The following LRP2 variants were observed in gnomAD, a reference collection of about 807,000 sequenced individuals.
LRP2 encodes LDL receptor related protein 2.
In LRP2, 172 loss-of-function variants were observed where a neutral mutation model predicts 531.0. The ratio of observed to expected loss-of-function variants is 0.32; its 90% CI spans 0.29 to 0.37. LRP2 has a LOEUF of 0.37. Among genes scored for constraint, LRP2 ranks in the 10% least tolerant of loss-of-function variants. The probability of loss-of-function intolerance (pLI) is 1.00; values close to 1 mark genes in which losing one functional copy is unlikely to be tolerated. For missense variants in LRP2, 5,167 were observed against 5,868.3 expected, an observed-to-expected ratio of 0.88 and a Z score of 3.90; for synonymous variants, 1,992 against 2,027.6, an observed-to-expected ratio of 0.98 and a Z score of 0.47.
At chr2:169,258,459 G>C (rs564539510) in intron 17 of LRP2, among the ~76,000 whole-genome samples, 1 of 152,152 alleles carries the variant, frequency 6.6e-6, no homozygotes, top group South Asian at 2.1e-4. Flanking sequence ...ACATAGCTCA[G>C]ATTTGTTCTA....
intron 1 of LRP2, among the ~76,000 whole-genome samples, chr2:169,356,731 C>T (rs1260177019): frequency 6.6e-6 from 1 of 152,210 alleles, no homozygotes; most frequent in East Asian, 1.9e-4. Flanking sequence ...CACAGAAATG[C>T]TCTTGACATT....
intron 1 of LRP2, among the ~76,000 whole-genome samples, chr2:169,333,123 C>T (rs1685308875): frequency 6.6e-6 from 1 of 152,172 alleles, no homozygotes; most frequent in South Asian, 2.1e-4. Context: ...AAACTGAAGT[C>T]AACATTTTTA....
At chr2:169,257,341 C>T (rs1690346349) in intron 17 of LRP2, 92 bp from the exon 18 acceptor site, 1 of 1,334,772 alleles carries the variant, frequency 7.5e-7, no homozygotes, top group Non-Finnish European at 1.1e-6. Context: ...TCTCCAGATA[C>T]TGCAATTAAT....
intron 4 of LRP2, among the ~76,000 whole-genome samples, chr2:169,303,440 G>C (rs1684334948): frequency 6.6e-6 from 1 of 152,100 alleles, no homozygotes; most frequent in African/African-American, 2.4e-5. Context: ...CGTGAAAAGT[G>C]GGTAAGGTGG....
chr2:169,312,213 A>G (rs1055200662), intron 3 of LRP2, among the ~76,000 whole-genome samples: 10 of 151,830 alleles, frequency 6.6e-5, no homozygotes, highest in African/African-American at 2.4e-4. Flanking sequence ...TTTAAGGTTA[A>G]TATTGTTATG....
intron 48 of LRP2, among the ~76,000 whole-genome samples, chr2:169,189,043 A>G (rs889672727): frequency 1.1e-4 from 16 of 152,226 alleles, no homozygotes; most frequent in African/African-American, 3.4e-4. Context: ...TTATAACAAT[A>G]TAATTTCCTG....
chr2:169,306,716 C>T (rs1684430572), intron 4 of LRP2, among the ~76,000 whole-genome samples: 1 of 102,892 alleles, frequency 9.7e-6, no homozygotes, highest in Non-Finnish European at 2.0e-5. Flanking sequence ...GATAATGAAC[C>T]ATGATTGCAC....
intron 1 of LRP2, among the ~76,000 whole-genome samples, chr2:169,322,627 G>A (rs1684937769): frequency 6.6e-6 from 1 of 152,130 alleles, no homozygotes; most frequent in Admixed American, 6.5e-5. Flanking sequence ...GGAGATTAGG[G>A]GCTTTGGAGG....
In LRP2 at chr2:169,241,278, C is replaced by T; in HGVS notation, c.3755G>A (p.Gly1252Glu). ...AGATCCATAGAGGCAGTCTGGATGC[C>T]CATCACATTCCCAGAAGTTCGGGAT... ...ICIPNFWECD[G>E]HPDCLYGSDE... The change falls in exon 25 of 79, where the codon GGG (glycine) becomes GAG (glutamate). Residue 1252 changes from glycine (G) to glutamate (E), a missense_variant. Coordinates refer to ENST00000649046, the MANE Select transcript of LRP2 (RefSeq NM_004525.3). 1 of 1,614,186 alleles carries T rather than the reference C, an allele frequency of 6.2e-7. No individual in the cohort carries two copies. Among genetic ancestry groups the T allele is most frequent in the Non-Finnish European group, 8.5e-7 (1 of 1,180,028 alleles).
chr2:169,305,827 A>C (rs1026176314), intron 4 of LRP2, among the ~76,000 whole-genome samples: 1 of 152,192 alleles, frequency 6.6e-6, no homozygotes, highest in African/African-American at 2.4e-5. Flanking sequence ...TTCTATGTTT[A>C]CATATGTTTA....
chr2:169,360,489 G>A (rs542515434), intron 1 of LRP2, among the ~76,000 whole-genome samples: 16 of 152,058 alleles, frequency 1.1e-4, no homozygotes, highest in Non-Finnish European at 2.2e-4. Flanking sequence ...AAGAAGAGTA[G>A]GTATTGGTTA....
At chr2:169,159,133 TG>T (rs1574081724) in intron 63 of LRP2, among the ~76,000 whole-genome samples, 2 of 152,212 alleles carry the variant, frequency 1.3e-5, no homozygotes, top group East Asian at 3.9e-4. Flanking sequence ...TGAGTGATAA[TG>T]GGGGAAAGAG....
At chr2:169,285,499 C>A (rs1399209690) in intron 9 of LRP2, among the ~76,000 whole-genome samples, 1 of 152,150 alleles carries the variant, frequency 6.6e-6, no homozygotes, top group African/African-American at 2.4e-5. Context: ...TAAAACACTA[C>A]TTTACAATCC....
At chr2:169,293,652 G>A (rs1389169473) in intron 6 of LRP2, among the ~76,000 whole-genome samples, 1 of 149,688 alleles carries the variant, frequency 6.7e-6, no homozygotes, top group Non-Finnish European at 1.5e-5. Flanking sequence ...TCCAGCCCAG[G>A]CAACAAAGCA....
At chr2:169,269,455 C>G (rs1332480712) in intron 16 of LRP2, among the ~76,000 whole-genome samples, 1 of 152,166 alleles carries the variant, frequency 6.6e-6, no homozygotes, top group Non-Finnish European at 1.5e-5. Flanking sequence ...TATCACACAT[C>G]TACAACCATC....
chr2:169,258,108 T>C (rs1690390322), intron 17 of LRP2, among the ~76,000 whole-genome samples: 1 of 152,108 alleles, frequency 6.6e-6, no homozygotes, highest in Admixed American at 6.5e-5. Flanking sequence ...AGTTTTAAAA[T>C]GTGTTTCTTT....
intron 4 of LRP2, among the ~76,000 whole-genome samples, chr2:169,302,717 G>C (rs757450149): frequency 2.0e-5 from 3 of 149,332 alleles, no homozygotes; most frequent in Non-Finnish European, 4.4e-5. Flanking sequence ...GCCAGACTGT[G>C]GGAAACTCCA....
chr2:169,156,334 C>G lies in LRP2; in HGVS notation c.12091G>C (p.Val4031Leu). ...ATAGACGTGAAGCCATCAGCACAGA[C>G]ACACTCATAACTTCCTTTGGTATTT... ...CRNTKGSYEC[V>L]CADGFTSMSD... The change falls in exon 65 of 79, where the codon GTC becomes CTC. Residue 4031 changes from valine (V) to leucine (L), a missense_variant. Val to Leu is a conservative substitution (Grantham distance 32). Coordinates refer to ENST00000649046, the MANE Select transcript of LRP2 (RefSeq NM_004525.3). The G allele has an allele frequency of 6.2e-7, 1 of 1,613,734 alleles. No homozygotes were observed. The highest frequency in any genetic ancestry group is 8.5e-7 in the Non-Finnish European group (1 of 1,179,722).
rs1372641090 is a variant in LRP2, at chr2:169,201,771, C to T, written c.8309G>A (p.Ser2770Asn). Reference sequence around the variant, plus strand: ...CCTGAACAGGCACCCTGCCTCATCACTGCCATCACCACAGTCATTGTAGTA... The same window carrying T: ...CCTGAACAGGCACCCTGCCTCATCATTGCCATCACCACAGTCATTGTAGTA... Reference protein sequence around the residue: ...CDYYNDCGDGSDEAGCLFRDC... With the variant: ...CDYYNDCGDGNDEAGCLFRDC... Residue 2770 changes from serine (S) to asparagine (N), a missense_variant, in exon 44 of 79, where the codon AGT (serine) becomes AAT (asparagine). Transcript: ENST00000649046. 1 of 1,614,240 alleles carries T rather than the reference C, an allele frequency of 6.2e-7. No individual in the cohort carries two copies. The highest frequency in any genetic ancestry group is 8.5e-7 in the Non-Finnish European group (1 of 1,180,048).
Sources: gnomAD v4.1 joint callset for allele counts (sites outside exome capture counted in the v4.1 genomes callset) on GRCh38, gnomAD v4.1.1 for gene constraint, MANE v1.5 for transcripts, NCBI Gene and HGNC (gene_info 2026-07-23, HGNC 2026-07-21) for gene names.